Variants in MCTP1 observed in about 807,000 individuals in gnomAD.
The protein encoded by MCTP1 is multiple C2 and transmembrane domain-containing protein 1.
Under a neutral mutation model 120.6 loss-of-function variants are expected in MCTP1, and 69 were observed. The ratio of observed to expected loss-of-function variants is 0.57; its 90% CI spans 0.47 to 0.70. The LOEUF (loss-of-function observed/expected upper bound fraction) is 0.70, where lower values mean the gene tolerates loss of function less well. Among genes scored for constraint, MCTP1 ranks in the 30% least tolerant of loss-of-function variants. MCTP1 has a pLI of 0.00. For synonymous variants in MCTP1, 529 were observed against 493.1 expected, an observed-to-expected ratio of 1.07 and a Z score of -0.96; for missense variants, 1,203 against 1,248.8, an observed-to-expected ratio of 0.96 and a Z score of 0.55.
At chr5:94,729,575 T>A (rs978351632) in intron 19 of MCTP1, among the ~76,000 whole-genome samples, 2 of 152,136 alleles carry the variant, frequency 1.3e-5, no homozygotes, top group African/African-American at 4.8e-5. Context: ...CCCAAAAGAA[T>A]GTGATTTGCA....
chr5:94,876,119 C>A (rs1798822227), intron 12 of MCTP1, among the ~76,000 whole-genome samples: 2 of 152,158 alleles, frequency 1.3e-5, no homozygotes, highest in South Asian at 2.1e-4. Flanking sequence ...AAAGTGACTA[C>A]ACATAGTTAA....
At chr5:95,232,426 A>G (rs1755066627) in intron 1 of MCTP1, among the ~76,000 whole-genome samples, 5 of 151,628 alleles carry the variant, frequency 3.3e-5, no homozygotes. Flanking sequence ...AAAGGTCCCA[A>G]TTATATGTTG....
At chr5:95,045,730 T>C (rs11747157) in intron 1 of MCTP1, among the ~76,000 whole-genome samples, 114,895 of 151,600 alleles carry the variant, frequency 0.76, 46,457 homozygotes, top group Non-Finnish European at 0.91. Context: ...TGCAAACATA[T>C]ACCAAACATG....
intron 19 of MCTP1, among the ~76,000 whole-genome samples, chr5:94,730,989 A>G (rs1763021450): frequency 6.6e-6 from 1 of 151,936 alleles, no homozygotes; most frequent in Admixed American, 6.6e-5. Context: ...CCAATATAAA[A>G]TCAAGTACCT....
chr5:95,052,099 C>T (rs1267044583), intron 1 of MCTP1, among the ~76,000 whole-genome samples: 1 of 152,078 alleles, frequency 6.6e-6, no homozygotes, highest in Non-Finnish European at 1.5e-5. Context: ...AAAGCAATTG[C>T]TTGTAATATT....
chr5:95,165,911 T>C (rs1267500935), intron 1 of MCTP1, among the ~76,000 whole-genome samples: 2 of 152,170 alleles, frequency 1.3e-5, no homozygotes, highest in African/African-American at 4.8e-5. Flanking sequence ...TGCCTCCCTC[T>C]CAGGGCTTGT....
At chr5:94,771,028 C>G (rs776164712) in intron 19 of MCTP1, among the ~76,000 whole-genome samples, 1 of 152,214 alleles carries the variant, frequency 6.6e-6, no homozygotes, top group Non-Finnish European at 1.5e-5. Flanking sequence ...TGCCTCAAAA[C>G]TACTCCATAA....
intron 3 of MCTP1, among the ~76,000 whole-genome samples, chr5:94,949,082 T>C (rs996051666): frequency 2.0e-5 from 3 of 152,210 alleles, no homozygotes; most frequent in African/African-American, 7.2e-5. Flanking sequence ...AAAATGGTTC[T>C]ATTTTTCAGA....
At chr5:95,280,480 A>G (rs1216975744) in intron 1 of MCTP1, among the ~76,000 whole-genome samples, 1 of 152,226 alleles carries the variant, frequency 6.6e-6, no homozygotes, top group Non-Finnish European at 1.5e-5. Flanking sequence ...TGATCCTAGC[A>G]AAACATAATT....
chr5:94,888,790 T>G (rs548600078), intron 12 of MCTP1, 89 bp downstream of exon 12: 1 of 712,602 alleles, frequency 1.4e-6, no homozygotes, highest in Non-Finnish European at 2.4e-6. Context: ...TGATGATCCA[T>G]CAGGTGAAAT....
At chr5:95,140,760 G>GTCCCAGC (rs1759853073) in intron 1 of MCTP1, among the ~76,000 whole-genome samples, 1 of 137,744 alleles carries the variant, frequency 7.3e-6, no homozygotes, top group South Asian at 2.3e-4. Context: ...GGCACCTGCA[G>GTCCCAGC]TCCCAGCTAC....
chr5:94,885,271 G>A (rs547079869), intron 12 of MCTP1, among the ~76,000 whole-genome samples: 2 of 151,312 alleles, frequency 1.3e-5, no homozygotes, highest in African/African-American at 2.4e-5. Flanking sequence ...GTCTCCCTGG[G>A]GAAGCTATGA....
intron 1 of MCTP1, among the ~76,000 whole-genome samples, chr5:95,241,844 A>T (rs930843173): frequency 6.6e-6 from 1 of 152,166 alleles, no homozygotes; most frequent in Non-Finnish European, 1.5e-5. Flanking sequence ...TCTGGGGGAG[A>T]TTTAAAGCAC....
chr5:95,153,739 A>C (rs1026611659), intron 1 of MCTP1, among the ~76,000 whole-genome samples: 6 of 152,326 alleles, frequency 3.9e-5, no homozygotes, highest in Admixed American at 2.6e-4. Flanking sequence ...AGGAGTGATC[A>C]AGAAGTACTG....
chr5:95,180,856 A>G (rs1239411890), intron 1 of MCTP1, among the ~76,000 whole-genome samples: 1 of 152,044 alleles, frequency 6.6e-6, no homozygotes, highest in Non-Finnish European at 1.5e-5. Context: ...TCATACCATT[A>G]TACCCTTACT....
At chr5:95,142,473 A>T (rs1291277561) in intron 1 of MCTP1, among the ~76,000 whole-genome samples, 1 of 152,204 alleles carries the variant, frequency 6.6e-6, no homozygotes, top group African/African-American at 2.4e-5. Context: ...CCTATGTCAC[A>T]TTTCCCTGCA....
intron 1 of MCTP1, among the ~76,000 whole-genome samples, chr5:95,223,249 T>C (rs1287340154): frequency 6.6e-6 from 1 of 152,062 alleles, no homozygotes; most frequent in Non-Finnish European, 1.5e-5. Context: ...CCCAGGAGTT[T>C]GAGACCAGCC....
intron 1 of MCTP1, among the ~76,000 whole-genome samples, chr5:95,031,316 C>G (rs1035038868): frequency 2.0e-5 from 3 of 151,886 alleles, no homozygotes; most frequent in African/African-American, 7.3e-5. Flanking sequence ...TAACCACCCC[C>G]AAGACATAGA....
chr5:94,787,802 G>C (rs1348962947), intron 18 of MCTP1, among the ~76,000 whole-genome samples: 1 of 152,058 alleles, frequency 6.6e-6, no homozygotes, highest in South Asian at 2.1e-4. Context: ...TATTTTAATA[G>C]AGACGGGGTT....
Sources: gnomAD v4.1 joint callset for allele counts (sites outside exome capture counted in the v4.1 genomes callset) on GRCh38, gnomAD v4.1.1 for gene constraint, MANE v1.5 for transcripts, NCBI Gene and HGNC (gene_info 2026-07-23, HGNC 2026-07-21) for gene names.